Variants in DGKB observed in about 807,000 individuals in gnomAD.
The protein encoded by DGKB is 90 kDa diacylglycerol kinase.
Under a neutral mutation model 114.3 loss-of-function variants are expected in DGKB, and 67 were observed. That is an observed-to-expected ratio of 0.59 (90% CI 0.48 to 0.72). The LOEUF (loss-of-function observed/expected upper bound fraction) is 0.72, where lower values mean the gene tolerates loss of function less well. Ranked by LOEUF, DGKB falls within the 30% of genes least tolerant of loss-of-function variation. The pLI is 0.00. For synonymous variants in DGKB, 398 were observed against 323.1 expected (o/e 1.23, Z -2.49); for missense variants, 907 against 975.2 (o/e 0.93, Z 0.93).
intron 20 of DGKB, among the ~76,000 whole-genome samples, chr7:14,494,110 A>C (rs1333530077): frequency 2.0e-5 from 3 of 152,034 alleles, no homozygotes. Flanking sequence ...AGCTCTTTGA[A>C]GGTTTAAAAT....
At chr7:14,308,300 T>A (rs772865075) in intron 23 of DGKB, among the ~76,000 whole-genome samples, 6 of 152,072 alleles carry the variant, frequency 3.9e-5, no homozygotes, top group Admixed American at 2.0e-4. Flanking sequence ...TTTTCATTAT[T>A]TATCCTTATG....
chr7:14,259,335 T>C (rs1796395083), intron 23 of DGKB, among the ~76,000 whole-genome samples: 1 of 151,488 alleles, frequency 6.6e-6, no homozygotes, highest in Non-Finnish European at 1.5e-5. Flanking sequence ...CAATTAAATC[T>C]TTCGTGTTCA....
At chr7:14,297,618 G>A (rs944395177) in intron 23 of DGKB, among the ~76,000 whole-genome samples, 1 of 152,072 alleles carries the variant, frequency 6.6e-6, no homozygotes, top group Non-Finnish European at 1.5e-5. Flanking sequence ...GGCAAAATCT[G>A]GAAGCATTCT....
At chr7:14,746,505 T>A (rs1422674346) in intron 4 of DGKB, among the ~76,000 whole-genome samples, 2 of 152,180 alleles carry the variant, frequency 1.3e-5, no homozygotes, top group Non-Finnish European at 2.9e-5. Flanking sequence ...TTCCTTTTTT[T>A]ATTTTTTTGA....
At chr7:14,334,360 A>ATGTGTG (rs1491407829) in intron 23 of DGKB, among the ~76,000 whole-genome samples, 52 of 103,692 alleles carry the variant, frequency 5.0e-4, no homozygotes, top group African/African-American at 2.0e-3. Flanking sequence ...ATGTATATAC[A>ATGTGTG]TATGTGTGTG....
rs62444594 is a variant in DGKB, at chr7:14,372,043, G to A, written c.1836-26652C>T. 6.0e-3 allele frequency among the ~76,000 whole-genome samples: 907 copies of A among 152,278 alleles called. 5 individuals are homozygous for A. The highest frequency in any genetic ancestry group is 0.017 in the Middle Eastern group (5 of 294). On this transcript the variant is annotated intron_variant, in intron 21 of 25. Coordinates refer to ENST00000402815, the MANE Select transcript of DGKB (RefSeq NM_001350709.2). The stretch of plus-strand genomic sequence containing the variant: ...TCCCAAGTCTGGGAAAATGTCTGCA[G>A]CTTTTCCAAGTGCCTTTCTCTTTCA...
At chr7:14,468,532 A>G (rs1458981925) in intron 21 of DGKB, among the ~76,000 whole-genome samples, 1 of 151,324 alleles carries the variant, frequency 6.6e-6, no homozygotes, top group Non-Finnish European at 1.5e-5. Flanking sequence ...CTTATTATGG[A>G]CTAATTAAAA....
chr7:14,459,177 C>G (rs934843786), intron 21 of DGKB, among the ~76,000 whole-genome samples: 8 of 152,160 alleles, frequency 5.3e-5, no homozygotes, highest in Admixed American at 5.2e-4. Flanking sequence ...GGCAAGGCAT[C>G]TCTGAAAGAA....
At chr7:14,918,970 G>A (rs999195584) in intron 1 of DGKB, among the ~76,000 whole-genome samples, 9 of 151,754 alleles carry the variant, frequency 5.9e-5, no homozygotes, top group Non-Finnish European at 1.3e-4. Context: ...GGCTGAGGCA[G>A]GAGAATCGTT....
chr7:14,368,189 G>A (rs996207697), intron 21 of DGKB, among the ~76,000 whole-genome samples: 4 of 150,938 alleles, frequency 2.7e-5, no homozygotes, highest in South Asian at 2.1e-4. Context: ...AGAGTGGTAC[G>A]TTTATTATAA....
chr7:14,538,038 C>T (rs1278690424), intron 20 of DGKB, among the ~76,000 whole-genome samples: 3 of 122,710 alleles, frequency 2.4e-5, no homozygotes, highest in East Asian at 2.8e-4. Context: ...TGAGATCATG[C>T]GTTTGCTGGA....
intron 13 of DGKB, among the ~76,000 whole-genome samples, chr7:14,631,093 T>A (rs951452602): frequency 1.3e-5 from 2 of 151,526 alleles, no homozygotes; most frequent in African/African-American, 4.8e-5. Flanking sequence ...TAGATATTTG[T>A]GTCCCTGAAA....
intron 20 of DGKB, among the ~76,000 whole-genome samples, chr7:14,512,432 A>G (rs933114691): frequency 1.3e-5 from 2 of 152,196 alleles, no homozygotes; most frequent in African/African-American, 4.8e-5. Context: ...GTAGTATATT[A>G]ACATGTTAAG....
chr7:14,419,563 T>C (rs1826340332), intron 21 of DGKB, among the ~76,000 whole-genome samples: 2 of 151,696 alleles, frequency 1.3e-5, no homozygotes, highest in Non-Finnish European at 2.9e-5. Context: ...TGGTGATCGT[T>C]ACCAGCTTCC....
At chr7:14,877,011 T>C (rs1853390454) in intron 1 of DGKB, among the ~76,000 whole-genome samples, 1 of 152,188 alleles carries the variant, frequency 6.6e-6, no homozygotes, top group Non-Finnish European at 1.5e-5. Flanking sequence ...GCTAAAACTG[T>C]GTTTAGTGCT....
intron 25 of DGKB, among the ~76,000 whole-genome samples, chr7:14,165,610 A>G (rs1784508691): frequency 6.6e-6 from 1 of 152,232 alleles, no homozygotes; most frequent in Non-Finnish European, 1.5e-5. Context: ...AGATATAAGC[A>G]CATAGACTAT....
intron 4 of DGKB, among the ~76,000 whole-genome samples, chr7:14,744,847 G>A (rs1378756586): frequency 6.6e-6 from 1 of 151,146 alleles, no homozygotes; most frequent in Non-Finnish European, 1.5e-5. Context: ...ATTTTTTTTT[G>A]CCTACATTTT....
intron 21 of DGKB, among the ~76,000 whole-genome samples, chr7:14,392,943 G>C (rs1821544796): frequency 6.6e-6 from 1 of 151,168 alleles, no homozygotes; most frequent in Admixed American, 6.6e-5. Flanking sequence ...TTTCAGGGAA[G>C]GGCTCAGCCA....
intron 20 of DGKB, among the ~76,000 whole-genome samples, chr7:14,553,094 C>A (rs1584765983): frequency 6.6e-6 from 1 of 152,180 alleles, no homozygotes; most frequent in Admixed American, 6.5e-5. Flanking sequence ...GAAGAATTTG[C>A]CACGGTCAGC....
Sources: gnomAD v4.1 joint callset for allele counts (sites outside exome capture counted in the v4.1 genomes callset) on GRCh38, gnomAD v4.1.1 for gene constraint, MANE v1.5 for transcripts, NCBI Gene and HGNC (gene_info 2026-07-23, HGNC 2026-07-21) for gene names.